The following KCNQ3 variants were observed in gnomAD, a reference collection of about 807,000 sequenced individuals.
KCNQ3 encodes potassium voltage-gated channel subfamily Q member 3, also known as potassium voltage-gated channel subfamily KQT member 3.
KCNQ3 carries 30 observed loss-of-function variants against 92.5 expected under a neutral mutation model. That is an observed-to-expected ratio of 0.32 (90% CI 0.24 to 0.44). KCNQ3 has a LOEUF of 0.44. Among genes scored for constraint, KCNQ3 ranks in the 20% least tolerant of loss-of-function variants. The pLI, the probability that KCNQ3 is intolerant of heterozygous loss-of-function variation, is 1.00. For synonymous variants in KCNQ3, 450 were observed against 468.8 expected (o/e 0.96, Z 0.52); for missense variants, 913 against 1,140.3 (o/e 0.80, Z 2.87).
intron 1 of KCNQ3, among the ~76,000 whole-genome samples, chr8:132,222,990 A>G (rs1323158226): frequency 6.6e-6 from 1 of 152,256 alleles, no homozygotes; most frequent in Non-Finnish European, 1.5e-5. Flanking sequence ...GGCTAAAGCT[A>G]TAATGTATCC....
At chr8:132,461,027 C>G (rs191544066) in intron 1 of KCNQ3, among the ~76,000 whole-genome samples, 13 of 152,288 alleles carry the variant, frequency 8.5e-5, no homozygotes, top group African/African-American at 3.1e-4. Flanking sequence ...TGTCATTTAG[C>G]AATATGCATT....
At chr8:132,387,911 A>T (rs1253611591) in intron 1 of KCNQ3, among the ~76,000 whole-genome samples, 2 of 151,822 alleles carry the variant, frequency 1.3e-5, no homozygotes, top group Non-Finnish European at 2.9e-5. Flanking sequence ...GCCTCACTAT[A>T]CTCCAGCCTG....
At chr8:132,149,780 T>G (rs963403581) in intron 9 of KCNQ3, among the ~76,000 whole-genome samples, 6 of 152,036 alleles carry the variant, frequency 3.9e-5, no homozygotes, top group Non-Finnish European at 8.8e-5. Context: ...GTGTGTGCAG[T>G]GTCCAACGGC....
chr8:132,263,175 C>T (rs1815850155), intron 1 of KCNQ3, among the ~76,000 whole-genome samples: 1 of 152,180 alleles, frequency 6.6e-6, no homozygotes. Context: ...TAGATGGTAA[C>T]CTCGTGTCTG....
At chr8:132,260,911 C>A (rs1368655703) in intron 1 of KCNQ3, among the ~76,000 whole-genome samples, 3 of 152,190 alleles carry the variant, frequency 2.0e-5, no homozygotes, top group Non-Finnish European at 2.9e-5. Flanking sequence ...CACATTTCAT[C>A]CTCTTACTCA....
chr8:132,284,167 A>G (rs1011664514), intron 1 of KCNQ3, among the ~76,000 whole-genome samples: 3 of 152,226 alleles, frequency 2.0e-5, no homozygotes, highest in Admixed American at 6.5e-5. Context: ...CATGTGCCCT[A>G]AAACTTAAAG....
At chr8:132,409,839 C>T (rs1586995229) in intron 1 of KCNQ3, among the ~76,000 whole-genome samples, 1 of 152,130 alleles carries the variant, frequency 6.6e-6, no homozygotes, top group African/African-American at 2.4e-5. Flanking sequence ...TGCCTGATGC[C>T]CAGAATTAAC....
chr8:132,321,368 A>T (rs1817888170), intron 1 of KCNQ3: 2 of 152,340 alleles, frequency 1.3e-5, no homozygotes, highest in African/African-American at 4.8e-5. Flanking sequence ...CCATGACACA[A>T]CCATATTGTA....
At chr8:132,479,988 ACACACC>A (rs1299375384) in intron 1 of KCNQ3, among the ~76,000 whole-genome samples, 153 bp downstream of exon 1, 4 of 147,742 alleles carry the variant, frequency 2.7e-5, no homozygotes, top group African/African-American at 7.6e-5. Context: ...ACACACACAC[ACACACC>A]CAGGGAAACG....
chr8:132,386,552 A>G (rs1227301226), intron 1 of KCNQ3, among the ~76,000 whole-genome samples: 2 of 152,106 alleles, frequency 1.3e-5, no homozygotes, highest in African/African-American at 4.8e-5. Flanking sequence ...ATCTTGAGGG[A>G]TATCATACAA....
intron 1 of KCNQ3, among the ~76,000 whole-genome samples, chr8:132,327,402 G>A (rs1217688734): frequency 1.3e-5 from 2 of 152,196 alleles, no homozygotes; most frequent in African/African-American, 4.8e-5. Context: ...GAGGCTCAGA[G>A]AGATCAAGTA....
chr8:132,269,686 G>A (rs1816093741), intron 1 of KCNQ3, among the ~76,000 whole-genome samples: 1 of 152,192 alleles, frequency 6.6e-6, no homozygotes, highest in Non-Finnish European at 1.5e-5. Context: ...AACCACTGCT[G>A]TGACAGCTAG....
chr8:132,447,560 G>A (rs1375601263), intron 1 of KCNQ3, among the ~76,000 whole-genome samples: 4 of 152,170 alleles, frequency 2.6e-5, no homozygotes, highest in Non-Finnish European at 5.9e-5. Context: ...GGTGAGCTGG[G>A]TTATGGGAGA....
intron 1 of KCNQ3, among the ~76,000 whole-genome samples, chr8:132,240,281 G>A (rs1412652810): frequency 6.6e-6 from 1 of 151,552 alleles, no homozygotes; most frequent in Non-Finnish European, 1.5e-5. Flanking sequence ...CTGCCTCCAG[G>A]GTTCAAGTGC....
chr8:132,342,820 A>G (rs1452670378), intron 1 of KCNQ3, among the ~76,000 whole-genome samples: 1 of 152,264 alleles, frequency 6.6e-6, no homozygotes. Context: ...GTATAGTCAT[A>G]AACATCTAAA....
At chr8:132,353,959 G>A (rs1231015874) in intron 1 of KCNQ3, among the ~76,000 whole-genome samples, 1 of 152,206 alleles carries the variant, frequency 6.6e-6, no homozygotes, top group Non-Finnish European at 1.5e-5. Flanking sequence ...TCATGAGTGT[G>A]TGTTCCCTAC....
rs1824703939 is a variant in KCNQ3 at position 132,127,307 on chromosome 8, T to TA, written c.*1954dup. On this transcript the variant is annotated 3_prime_UTR_variant, in exon 15 of 15. Coordinates refer to ENST00000388996, the MANE Select transcript of KCNQ3 (RefSeq NM_004519.4). Reference sequence around the variant, plus strand: ...ACCCATCCATTTATGGGGCTCTCCATAAAAAACACCCTTCTGCTGCTCACA... The same window carrying TA: ...ACCCATCCATTTATGGGGCTCTCCATAAAAAAACACCCTTCTGCTGCTCACA... 6.6e-6 allele frequency: 1 copy of TA among 152,198 alleles called. No homozygotes were observed. Among genetic ancestry groups the TA allele is most frequent in the East Asian group, 1.9e-4 (1 of 5,196 alleles). 9.4% of individuals were successfully genotyped at this position (152,198 alleles called of 1,614,324 possible).
chr8:132,451,432 G>A (rs1318390367), intron 1 of KCNQ3, among the ~76,000 whole-genome samples: 6 of 152,136 alleles, frequency 3.9e-5, no homozygotes, highest in Non-Finnish European at 5.9e-5. Flanking sequence ...ATCCACCACG[G>A]GCAGACGTTA....
intron 1 of KCNQ3, among the ~76,000 whole-genome samples, chr8:132,322,869 A>C (rs1817931530): frequency 6.6e-6 from 1 of 152,206 alleles, no homozygotes. Context: ...CCCATCTGAG[A>C]ATAGAGAGCT....
Sources: allele counts gnomAD v4.1 joint callset (sites outside exome capture counted in the v4.1 genomes callset), GRCh38; gene constraint gnomAD v4.1.1; transcripts MANE v1.5; gene names NCBI Gene and HGNC (gene_info 2026-07-23, HGNC 2026-07-21).